Variants in ITGA9 observed in about 807,000 individuals in gnomAD.
ITGA9 encodes the protein integrin alpha-9.
A neutral mutation model predicts 127.8 loss-of-function variants in ITGA9; 56 were observed. That is an observed-to-expected ratio of 0.44 (90% confidence interval 0.35 to 0.55). The LOEUF is 0.55. ITGA9 is among the 20% of genes least tolerant of loss of function. ITGA9 has a pLI of 0.00. For missense variants in ITGA9, 1,196 were observed against 1,347.1 expected, an observed-to-expected ratio of 0.89 and a Z score of 1.76; for synonymous variants, 508 against 514.5, an observed-to-expected ratio of 0.99 and a Z score of 0.17.
At chr3:37,706,634 G>T (rs984180835) in intron 18 of ITGA9, among the ~76,000 whole-genome samples, 1 of 152,162 alleles carries the variant, frequency 6.6e-6, no homozygotes, top group Non-Finnish European at 1.5e-5. Flanking sequence ...CCAAGGAATG[G>T]ATTGTCCTGC....
chr3:37,761,381 C>A (rs746280686), intron 23 of ITGA9, among the ~76,000 whole-genome samples: 1 of 152,154 alleles, frequency 6.6e-6, no homozygotes, highest in African/African-American at 2.4e-5. Flanking sequence ...GGAGAAACTT[C>A]TAATTTTCTG....
chr3:37,738,378 G>T (rs916072555), intron 20 of ITGA9, among the ~76,000 whole-genome samples: 1 of 152,200 alleles, frequency 6.6e-6, no homozygotes. Context: ...GTAGGTGGTG[G>T]GCACGAGAGT....
intron 15 of ITGA9, among the ~76,000 whole-genome samples, chr3:37,593,485 A>C (rs1699840047): frequency 6.6e-6 from 1 of 152,218 alleles, no homozygotes; most frequent in Admixed American, 6.5e-5. Flanking sequence ...AGGTGCCAGC[A>C]TAGTTGGTGT....
chr3:37,780,015 G>A lies in ITGA9; in HGVS notation c.2781G>A (p.Leu927=), dbSNP rs530264645. Residue 927 remains leucine (L), a synonymous_variant, in exon 25 of 28, where the codon CTG becomes CTA. Transcript: ENST00000264741. ...DIYMLLNTEI[L]KKDSSSVIQF... is the part of the protein sequence containing the mutation. ...ACATGCTGCTGAACACAGAAATACT[G>A]AAAAAGGTAAGCCCTAATGAACCGC... 5.2e-5 allele frequency: 84 copies of A among 1,613,934 alleles called. 1 individual carries two copies. In the South Asian group the frequency reaches 8.8e-4, roughly 17 times the overall value.
intron 5 of ITGA9, among the ~76,000 whole-genome samples, chr3:37,495,564 C>T (rs1032163674): frequency 2.0e-5 from 3 of 152,166 alleles, no homozygotes; most frequent in Non-Finnish European, 4.4e-5. Flanking sequence ...AAACACATCC[C>T]AAATATGACA....
intron 17 of ITGA9, among the ~76,000 whole-genome samples, chr3:37,656,277 T>G (rs1421590710): frequency 1.3e-5 from 2 of 152,180 alleles, no homozygotes; most frequent in South Asian, 4.1e-4. Flanking sequence ...TATAAATTAC[T>G]TTGAGCAGTA....
intron 18 of ITGA9, among the ~76,000 whole-genome samples, chr3:37,712,114 A>G (rs1048650275): frequency 3.9e-5 from 6 of 152,018 alleles, no homozygotes; most frequent in African/African-American, 1.4e-4. Context: ...GGGGAGGAAC[A>G]TACCTCCTAT....
intron 1 of ITGA9, among the ~76,000 whole-genome samples, chr3:37,467,515 G>A (rs895655035): frequency 3.3e-5 from 5 of 152,176 alleles, no homozygotes; most frequent in South Asian, 2.1e-4. Context: ...ATCTGTGTCT[G>A]TGAATTTGGA....
intron 10 of ITGA9, among the ~76,000 whole-genome samples, chr3:37,518,093 CGTGTGTGTGTGTGT>C (rs55842055): frequency 2.8e-5 from 4 of 144,106 alleles, no homozygotes; most frequent in African/African-American, 1.0e-4. Context: ...AGAGTGTACG[CGTGTGTGTGTGTGT>C]GTGTGTGTGT....
chr3:37,705,185 G>A (rs1050638047), intron 18 of ITGA9, among the ~76,000 whole-genome samples: 6 of 152,280 alleles, frequency 3.9e-5, no homozygotes, highest in East Asian at 1.9e-4. Flanking sequence ...TAAGTATACC[G>A]TTATCATTTT....
chr3:37,464,116 AGTGTGTGTGTGTGTGTGTGT>A (rs10603611), intron 1 of ITGA9, among the ~76,000 whole-genome samples: 1 of 144,168 alleles, frequency 6.9e-6, no homozygotes, highest in Admixed American at 6.9e-5. Flanking sequence ...AGAAGGTGTG[AGTGTGTGTGTGTGTGTGTGT>A]GTGTGTGTGT....
chr3:37,736,683 C>A (rs771595953), intron 19 of ITGA9, among the ~76,000 whole-genome samples: 1 of 152,116 alleles, frequency 6.6e-6, no homozygotes, highest in East Asian at 1.9e-4. Context: ...AGGAGAGCCT[C>A]GGTGGCGGAA....
At chr3:37,757,644 C>CA (rs1696668348) in intron 23 of ITGA9, among the ~76,000 whole-genome samples, 1 of 150,556 alleles carries the variant, frequency 6.6e-6, no homozygotes, top group Non-Finnish European at 1.5e-5. Context: ...GATCCTGTCT[C>CA]AAAAAAACAA....
chr3:37,794,967 T>C (rs1697154777), intron 26 of ITGA9, among the ~76,000 whole-genome samples: 2 of 152,220 alleles, frequency 1.3e-5, no homozygotes, highest in African/African-American at 4.8e-5. Flanking sequence ...ATGGTTCTGC[T>C]GAAAACATTT....
rs902492856 is a variant in ITGA9 at position 37,821,367 on chromosome 3, G to A, written c.*2378G>A. ...TGCTGTGTGTCAGGCACTGTGCAAGGTGCTGGAGGTTCCCCAGAGAACACT... is the reference window on the plus strand; with the variant it reads ...TGCTGTGTGTCAGGCACTGTGCAAGATGCTGGAGGTTCCCCAGAGAACACT... On this transcript the variant is annotated 3_prime_UTR_variant, in exon 28 of 28. Coordinates refer to ENST00000264741, the MANE Select transcript of ITGA9 (RefSeq NM_002207.3). The A allele has an allele frequency of 2.0e-5, 3 of 152,194 alleles. No homozygotes were observed. The highest frequency in any genetic ancestry group is 4.8e-5 in the African/African-American group (2 of 41,434). 9.4% of individuals were successfully genotyped at this position (152,194 alleles called of 1,614,324 possible). A position where few individuals can be genotyped will look rare whatever the true frequency, so the allele number is the denominator to read the frequency against.
intron 18 of ITGA9, among the ~76,000 whole-genome samples, chr3:37,700,885 G>A (rs1259746176): frequency 2.0e-5 from 3 of 152,180 alleles, no homozygotes; most frequent in Non-Finnish European, 4.4e-5. Context: ...GGGGTTTGGA[G>A]AAAAATGCTA....
At chr3:37,717,098 T>G (rs1241032571) in intron 18 of ITGA9, among the ~76,000 whole-genome samples, 1 of 152,222 alleles carries the variant, frequency 6.6e-6, no homozygotes, top group Non-Finnish European at 1.5e-5. Context: ...TAAGCTGGTA[T>G]ATGTTTCTCT....
At chr3:37,484,145 A>T (rs557149931) in intron 4 of ITGA9, among the ~76,000 whole-genome samples, 2 of 152,122 alleles carry the variant, frequency 1.3e-5, no homozygotes, top group Non-Finnish European at 1.5e-5. Context: ...GCGCACACAC[A>T]CTTTTATATG....
intron 1 of ITGA9, among the ~76,000 whole-genome samples, chr3:37,462,443 C>A (rs1436492721): frequency 6.6e-6 from 1 of 152,216 alleles, no homozygotes; most frequent in Non-Finnish European, 1.5e-5. Context: ...TTTCTATATG[C>A]CAGAACCACT....
Sources: allele counts gnomAD v4.1 joint callset (sites outside exome capture counted in the v4.1 genomes callset), GRCh38; gene constraint gnomAD v4.1.1; transcripts MANE v1.5; gene names NCBI Gene and HGNC (gene_info 2026-07-23, HGNC 2026-07-21).